The following OSBPL9 variants were observed in gnomAD, a reference collection of about 807,000 sequenced individuals.
The protein encoded by OSBPL9 is oxysterol binding protein like 9.
OSBPL9 carries 40 observed loss-of-function variants against 106.6 expected under a neutral mutation model. The ratio of observed to expected loss-of-function variants is 0.38; its 90% CI spans 0.29 to 0.49. OSBPL9 has a LOEUF of 0.49. OSBPL9 is among the 20% of genes least tolerant of loss of function. The pLI, the probability that OSBPL9 is intolerant of heterozygous loss-of-function variation, is 0.97. For synonymous variants in OSBPL9, 269 were observed against 295.4 expected, an observed-to-expected ratio of 0.91 and a Z score of 0.92; for missense variants, 609 against 887.2, an observed-to-expected ratio of 0.69 and a Z score of 3.98.
At chr1:51,580,236 T>A (rs1313384531) in intron 1 of OSBPL9, among the ~76,000 whole-genome samples, 3 of 152,262 alleles carry the variant, frequency 2.0e-5, no homozygotes, top group Admixed American at 1.3e-4. Flanking sequence ...ATCTCAGCCT[T>A]TCCACCGATT....
At chr1:51,540,239 G>C in the OSBPL9 span, among the ~76,000 whole-genome samples, 2 of 151,306 alleles carry the variant, frequency 1.3e-5, no homozygotes, top group African/African-American at 4.9e-5. Flanking sequence ...TTTAAAGCTG[G>C]ACACCATTAA....
chr1:51,669,029 CCTG>C (rs1377523010), intron 2 of OSBPL9, among the ~76,000 whole-genome samples: 1 of 152,122 alleles, frequency 6.6e-6, no homozygotes, highest in African/African-American at 2.4e-5. Flanking sequence ...ACAGAAGCAG[CCTG>C]CTGAAGAGCA....
Position 51,789,131 on chromosome 1 carries a change from A to AACTT in OSBPL9, c.*1343_*1346dup. On this transcript the variant is annotated 3_prime_UTR_variant, in exon 24 of 24. Coordinates refer to ENST00000428468, the MANE Select transcript of OSBPL9 (RefSeq NM_024586.6). The stretch of plus-strand genomic sequence containing the variant: ...ATCAAATGCTATGATGCCAGTGCAA[A>AACTT]ACTTCAATGGAAGCCCTAAGGCAGT... 9.2e-7 allele frequency: 1 copy of AACTT among 1,085,632 alleles called. No homozygotes were observed. Among genetic ancestry groups the AACTT allele is most frequent in the Non-Finnish European group, 1.4e-6 (1 of 716,400 alleles). 67.2% of individuals were successfully genotyped at this position (1,085,632 alleles called of 1,614,324 possible).
At chr1:51,651,464 A>G (rs1033936483) in intron 1 of OSBPL9, among the ~76,000 whole-genome samples, 13 of 152,054 alleles carry the variant, frequency 8.5e-5, no homozygotes, top group East Asian at 1.9e-4. Context: ...TTAGCCGAGC[A>G]TGGTGGCGGG....
chr1:51,639,203 G>A (rs971338076), intron 1 of OSBPL9, among the ~76,000 whole-genome samples: 5 of 152,050 alleles, frequency 3.3e-5, no homozygotes, highest in African/African-American at 1.2e-4. Context: ...ATTCCCTCCT[G>A]TCCCTTTCCT....
intron 4 of OSBPL9, among the ~76,000 whole-genome samples, chr1:51,733,509 C>T (rs1335625683): frequency 6.6e-6 from 1 of 152,162 alleles, no homozygotes; most frequent in Non-Finnish European, 1.5e-5. Context: ...GGTGCGGTGG[C>T]TCACGCTGTA....
intron 1 of OSBPL9, among the ~76,000 whole-genome samples, chr1:51,644,063 G>A (rs937077826): frequency 1.8e-5 from 2 of 111,472 alleles, no homozygotes; most frequent in Non-Finnish European, 3.4e-5. Context: ...CTGGGCAACA[G>A]AGTGAGACCT....
chr1:51,749,182 G>T (rs1006476071), intron 7 of OSBPL9, among the ~76,000 whole-genome samples: 5 of 152,040 alleles, frequency 3.3e-5, no homozygotes, highest in African/African-American at 4.8e-5. Context: ...TGATATAGTG[G>T]ACTTCTGACA....
At chr1:51,779,726 A>C (rs1675883306) in intron 15 of OSBPL9, among the ~76,000 whole-genome samples, 1 of 152,206 alleles carries the variant, frequency 6.6e-6, no homozygotes, top group South Asian at 2.1e-4. Context: ...AAATAATCCC[A>C]TCAAAAAGTG....
the OSBPL9 span, among the ~76,000 whole-genome samples, chr1:51,555,930 T>A: frequency 6.6e-6 from 1 of 152,226 alleles, no homozygotes; most frequent in African/African-American, 2.4e-5. Context: ...ATAACATTTT[T>A]AATATTTACA....
chr1:51,685,566 G>A (rs529443509), intron 3 of OSBPL9, among the ~76,000 whole-genome samples: 84 of 152,084 alleles, frequency 5.5e-4, no homozygotes, highest in Non-Finnish European at 8.1e-4. Flanking sequence ...CCACCACACC[G>A]TCTAATTTTT....
intron 3 of OSBPL9, among the ~76,000 whole-genome samples, chr1:51,690,068 TTAAAGA>T (rs1433933286): frequency 2.6e-5 from 4 of 152,238 alleles, no homozygotes; most frequent in African/African-American, 9.6e-5. Context: ...TTAATGTATC[TTAAAGA>T]TTAAAAACTC....
upstream of OSBPL9, among the ~76,000 whole-genome samples, chr1:51,615,408 T>C (rs1644029590): frequency 6.6e-6 from 1 of 152,224 alleles, no homozygotes; most frequent in Non-Finnish European, 1.5e-5. Flanking sequence ...GTATCAAAAG[T>C]CAACCTTTGC....
chr1:51,783,912 C>A lies in OSBPL9; in HGVS notation c.1514-3C>A. On this transcript the variant is annotated splice_polypyrimidine_tract_variant and splice_region_variant and intron_variant, in intron 17 of 23. Transcript: ENST00000428468. ...AATCTACTAATTGAAAATTTCTATT[C>A]AGTTTCAGCCTTTTATGCTGAGTGT... 6.2e-7 allele frequency: 1 copy of A among 1,601,798 alleles called. No individual in the cohort carries two copies. The highest frequency in any genetic ancestry group is 8.6e-7 in the Non-Finnish European group (1 of 1,169,014).
chr1:51,675,005 G>T (rs1302663488), intron 3 of OSBPL9, among the ~76,000 whole-genome samples: 1 of 152,220 alleles, frequency 6.6e-6, no homozygotes, highest in Non-Finnish European at 1.5e-5. Flanking sequence ...CAGCCTGTGG[G>T]CAGCAGATTG....
chr1:51,786,594 T>G lies in OSBPL9; in HGVS notation c.1977T>G (p.Asp659Glu). ...AGAAGAAAGTGAGGAAGTTGGAAGA[T>G]CAGAACGAGTATGAATCCCGCAGGT... ...IIKKKVRKLE[D>E]QNEYESRSLW... Residue 659 changes from aspartate to glutamate, a missense_variant, in exon 22 of 24, where the codon GAT (aspartate) becomes GAG (glutamate). Around this residue, in one of 5 missense-constraint regions of OSBPL9, gnomAD observed 132 missense variants for 158.1 expected, o/e 0.83. Coordinates refer to ENST00000428468, the MANE Select transcript of OSBPL9 (RefSeq NM_024586.6). 1.2e-6 allele frequency: 2 copies of G among 1,612,448 alleles called. No homozygotes were observed. The highest frequency in any genetic ancestry group is 1.7e-6 in the Non-Finnish European group (2 of 1,178,684).
intron 1 of OSBPL9, among the ~76,000 whole-genome samples, chr1:51,646,430 T>C (rs528379297): frequency 6.6e-6 from 1 of 152,368 alleles, no homozygotes; most frequent in African/African-American, 2.4e-5. Context: ...AATCTGAAAG[T>C]ATAGAAATAC....
intron 12 of OSBPL9, among the ~76,000 whole-genome samples, chr1:51,770,989 G>A (rs1235984950): frequency 6.6e-6 from 1 of 152,044 alleles, no homozygotes; most frequent in Non-Finnish European, 1.5e-5. Context: ...GTCAATGTAG[G>A]CTCATTGGTT....
At chr1:51,639,996 A>T (rs1645687303) in intron 1 of OSBPL9, among the ~76,000 whole-genome samples, 1 of 149,186 alleles carries the variant, frequency 6.7e-6, no homozygotes, top group Non-Finnish European at 1.5e-5. Flanking sequence ...GCTAATTTTT[A>T]TTTTTTTTTA....
Sources: gnomAD v4.1 joint callset for allele counts (sites outside exome capture counted in the v4.1 genomes callset) on GRCh38, gnomAD v4.1.1 for gene constraint, gnomAD v4.1.1 regional missense constraint, MANE v1.5 for transcripts, NCBI Gene and HGNC (gene_info 2026-07-23, HGNC 2026-07-21) for gene names.